COL23A1: variants seen among roughly 807,000 people sequenced by gnomAD.
COL23A1 encodes the protein collagen type XXIII alpha 1 chain.
COL23A1 carries 97 observed loss-of-function variants against 99.3 expected under a neutral mutation model. The ratio of observed to expected loss-of-function variants is 0.98; its 90% confidence interval spans 0.83 to 1.16. COL23A1 has a LOEUF of 1.16. COL23A1 is among the 50% of genes most tolerant of loss of function. The pLI, the probability that COL23A1 is intolerant of heterozygous loss-of-function variation, is 0.00. For missense variants in COL23A1, 762 were observed against 757.4 expected (o/e 1.01, Z -0.07); for synonymous variants, 320 against 308.2 (o/e 1.04, Z -0.40).
intron 2 of COL23A1, among the ~76,000 whole-genome samples, chr5:178,328,967 C>A (rs1759852534): frequency 6.6e-6 from 1 of 152,154 alleles, no homozygotes; most frequent in South Asian, 2.1e-4. Flanking sequence ...GAAATGGGCA[C>A]GAACACAGCC....
intron 2 of COL23A1, among the ~76,000 whole-genome samples, chr5:178,376,588 T>A (rs1763082700): frequency 6.6e-6 from 1 of 152,258 alleles, no homozygotes; most frequent in Non-Finnish European, 1.5e-5. Context: ...ATACACCACC[T>A]GTAATTCTCA....
At position 178,272,506 on chromosome 5, in the gene COL23A1, G is replaced by T. The variant is rs1756347453; in HGVS notation, c.442-2143C>A. On this transcript the variant is annotated intron_variant, in intron 5 of 28. Transcript: ENST00000390654. ...GAGTGATGGCCTGGTGACAGCTGGG[G>T]TCCCAGGAGAGTGGGAGTGGGGGCA... Among the ~76,000 whole-genome samples, 4 of 152,196 alleles carry T rather than the reference G, an allele frequency of 2.6e-5. No homozygotes were observed. In the South Asian group the frequency reaches 8.3e-4, roughly 31 times the overall value.
chr5:178,406,524 G>T (rs562141967), intron 2 of COL23A1, among the ~76,000 whole-genome samples: 7 of 151,856 alleles, frequency 4.6e-5, no homozygotes, highest in African/African-American at 1.4e-4. Flanking sequence ...CCGCCTCCTG[G>T]ATTCAAGCGA....
intron 2 of COL23A1, among the ~76,000 whole-genome samples, chr5:178,551,906 C>T (rs1365010342): frequency 6.6e-6 from 1 of 152,142 alleles, no homozygotes; most frequent in African/African-American, 2.4e-5. Context: ...AGACCCTGGA[C>T]TCACCCTCCC....
chr5:178,290,748 G>A (rs764327254), intron 3 of COL23A1, among the ~76,000 whole-genome samples: 2 of 151,432 alleles, frequency 1.3e-5, no homozygotes, highest in African/African-American at 2.4e-5. Flanking sequence ...GACTGGGGGA[G>A]CAAACATTTT....
chr5:178,291,699 C>T (rs1021787545), intron 3 of COL23A1, among the ~76,000 whole-genome samples: 14 of 151,880 alleles, frequency 9.2e-5, no homozygotes, highest in African/African-American at 3.4e-4. Flanking sequence ...CAAGAGTGCA[C>T]CTGGAGATGC....
At chr5:178,344,969 G>A in intron 2 of COL23A1, 1 of 605,062 alleles carries the variant, frequency 1.7e-6, no homozygotes, top group Admixed American at 1.9e-5. Flanking sequence ...TGAGACAGAA[G>A]AGGTGAAAAA....
chr5:178,401,884 C>A (rs150106056), intron 2 of COL23A1, among the ~76,000 whole-genome samples: 1 of 152,160 alleles, frequency 6.6e-6, no homozygotes, highest in Non-Finnish European at 1.5e-5. Flanking sequence ...GGCGCAATCT[C>A]GGCTCACTGC....
chr5:178,548,718 A>G (rs1581616545), intron 2 of COL23A1, among the ~76,000 whole-genome samples: 1 of 152,044 alleles, frequency 6.6e-6, no homozygotes, highest in South Asian at 2.1e-4. Context: ...TATCTCATGC[A>G]TATTAACTAT....
rs779487808 is a variant in COL23A1 at position 178,563,526 on chromosome 5, C to CTTTTT, written c.295-2783_295-2779dup. 4.2e-4 allele frequency among the ~76,000 whole-genome samples: 35 copies of CTTTTT among 83,202 alleles called. 3 individuals carry two copies. The highest frequency in any genetic ancestry group is 7.7e-4 in the African/African-American group (15 of 19,532). The allele number at this position is 83,202 out of a possible 152,430, so 54.6% of individuals were successfully genotyped here. ...CCCTTGAGCCGGACCTCAGAACTCA[C>CTTTTT]TTTTTTTTTTTTTTTTTTTTTTTGA... On this transcript the variant is annotated intron_variant, in intron 1 of 28. Transcript: ENST00000390654.
intron 2 of COL23A1, among the ~76,000 whole-genome samples, chr5:178,399,618 T>C (rs1764330032): frequency 6.6e-6 from 1 of 152,178 alleles, no homozygotes; most frequent in African/African-American, 2.4e-5. Context: ...CATGGGCTGT[T>C]TACCCAGTTT....
intron 5 of COL23A1, among the ~76,000 whole-genome samples, chr5:178,273,982 C>G (rs936150050): frequency 6.6e-6 from 1 of 152,218 alleles, no homozygotes; most frequent in African/African-American, 2.4e-5. Context: ...CACAGTTACC[C>G]TACAGAATGC....
At chr5:178,503,745 T>C (rs956526727) in intron 2 of COL23A1, among the ~76,000 whole-genome samples, 1 of 152,188 alleles carries the variant, frequency 6.6e-6, no homozygotes, top group Non-Finnish European at 1.5e-5. Flanking sequence ...GTGTTCTTTG[T>C]ACTTTTTTAA....
intron 2 of COL23A1, among the ~76,000 whole-genome samples, chr5:178,524,512 G>A (rs1319892825): frequency 6.6e-6 from 1 of 152,198 alleles, no homozygotes; most frequent in Non-Finnish European, 1.5e-5. Context: ...AAAGGATGGG[G>A]GATGGATGTA....
chr5:178,262,220 C>T lies in COL23A1; in HGVS notation c.672G>A (p.Glu224=). 1.3e-6 allele frequency: 2 copies of T among 1,583,490 alleles called. No homozygotes were observed. The highest frequency in any genetic ancestry group is 1.7e-6 in the Non-Finnish European group (2 of 1,164,174). The part of the protein sequence containing the change: ...GPKGEPGQDG[E]MGPKGPPGPK... ...CTGGAATGCCCTGGATACTGACCAT[C>T]TCGCCGTCTTGTCCGGGCTCTCCTT... Residue 224 remains glutamate (E), a synonymous_variant, in exon 10 of 29, where the codon GAG becomes GAA. Transcript: ENST00000390654.
chr5:178,564,867 G>C (rs550547755), intron 1 of COL23A1, among the ~76,000 whole-genome samples: 21 of 152,190 alleles, frequency 1.4e-4, no homozygotes, highest in Non-Finnish European at 2.8e-4. Flanking sequence ...ATTTATTCCT[G>C]TAAAACGCTG....
chr5:178,496,634 T>C (rs555151034), intron 2 of COL23A1, among the ~76,000 whole-genome samples: 55 of 152,338 alleles, frequency 3.6e-4, no homozygotes, highest in African/African-American at 1.3e-3. Flanking sequence ...GCTATAAATG[T>C]TACTATAGAC....
chr5:178,400,321 C>G (rs187054966), intron 2 of COL23A1, among the ~76,000 whole-genome samples: 3 of 143,220 alleles, frequency 2.1e-5, no homozygotes, highest in Admixed American at 1.5e-4. Context: ...GAGCCGAGAT[C>G]GCGCCACTGC....
At chr5:178,267,199 C>T in intron 8 of COL23A1, 108 bp downstream of exon 8, 1 of 1,258,086 alleles carries the variant, frequency 7.9e-7, no homozygotes. Flanking sequence ...TGGCCTCTTT[C>T]TGTGATGAGC....
Sources: allele counts gnomAD v4.1 joint callset (sites outside exome capture counted in the v4.1 genomes callset), GRCh38; gene constraint gnomAD v4.1.1; transcripts MANE v1.5; gene names NCBI Gene and HGNC (gene_info 2026-07-23, HGNC 2026-07-21).